NCALD: variants seen among roughly 807,000 people sequenced by gnomAD.
NCALD encodes the protein neurocalcin-delta.
Under a neutral mutation model 18.6 loss-of-function variants are expected in NCALD, and 10 were observed. The observed-to-expected ratio is 0.54, with a 90% CI of 0.33 to 0.91. The LOEUF (loss-of-function observed/expected upper bound fraction) is 0.91. Ranked by LOEUF, NCALD falls within the 40% of genes least tolerant of loss-of-function variation. NCALD has a pLI of 0.03. For synonymous variants in NCALD, 88 were observed against 87.4 expected (o/e 1.01, Z -0.04); for missense variants, 184 against 247.6 (o/e 0.74, Z 1.72).
chr8:102,030,504 CTTA>C (rs1822628305), intron 1 of NCALD, among the ~76,000 whole-genome samples: 1 of 152,206 alleles, frequency 6.6e-6, no homozygotes, highest in African/African-American at 2.4e-5. Context: ...ACAGAACCAA[CTTA>C]TTATTTTGAA....
At chr8:101,990,911 C>A (rs747075864) in intron 2 of NCALD, among the ~76,000 whole-genome samples, 2 of 152,162 alleles carry the variant, frequency 1.3e-5, no homozygotes, top group Non-Finnish European at 2.9e-5. Context: ...ATCCCCTGAG[C>A]ACACAGCAGA....
chr8:101,939,560 A>G (rs1818881893), intron 2 of NCALD, among the ~76,000 whole-genome samples: 1 of 152,210 alleles, frequency 6.6e-6, no homozygotes, highest in Non-Finnish European at 1.5e-5. Context: ...TCTTATCTCC[A>G]TTCTGGTTGA....
At chr8:101,796,230 C>T (rs1016271671) in intron 4 of NCALD, among the ~76,000 whole-genome samples, 1 of 152,092 alleles carries the variant, frequency 6.6e-6, no homozygotes, top group Non-Finnish European at 1.5e-5. Context: ...CCAGAAAAAT[C>T]GACCCTCTTT....
At chr8:101,691,579 TCAG>T in intron 3 of NCALD, 2 of 985,370 alleles carry the variant, frequency 2.0e-6, no homozygotes, top group Non-Finnish European at 2.4e-6. Flanking sequence ...CAGTTTAACA[TCAG>T]CAAGTTAATT....
At chr8:101,788,727 C>T (rs892278854) in intron 1 of NCALD, 2 of 152,120 alleles carry the variant, frequency 1.3e-5, no homozygotes, top group African/African-American at 4.8e-5. Context: ...TAAGAATGTC[C>T]GAAACTATAC....
intron 3 of NCALD, among the ~76,000 whole-genome samples, chr8:101,896,047 G>A (rs912074980): frequency 6.0e-5 from 9 of 151,090 alleles, no homozygotes; most frequent in East Asian, 1.9e-4. Flanking sequence ...AAAAGAGCCC[G>A]CATCGCCAAG....
At chr8:101,729,248 G>C (rs910938147) in intron 1 of NCALD, among the ~76,000 whole-genome samples, 18 of 152,104 alleles carry the variant, frequency 1.2e-4, no homozygotes, top group African/African-American at 2.9e-4. Flanking sequence ...ATATATAACA[G>C]GCAAATTAGG....
At chr8:101,992,004 C>G (rs897886585) in intron 2 of NCALD, among the ~76,000 whole-genome samples, 3 of 152,190 alleles carry the variant, frequency 2.0e-5, no homozygotes, top group African/African-American at 7.2e-5. Flanking sequence ...TCTGGTTGAG[C>G]AGCAGCTAAA....
At chr8:102,060,259 G>T (rs751191312) in intron 1 of NCALD, among the ~76,000 whole-genome samples, 4 of 152,192 alleles carry the variant, frequency 2.6e-5, no homozygotes, top group East Asian at 1.9e-4. Flanking sequence ...GGGATTACAG[G>T]CATGAGCCAC....
At chr8:102,077,194 C>G (rs1563596936) in intron 1 of NCALD, among the ~76,000 whole-genome samples, 1 of 152,158 alleles carries the variant, frequency 6.6e-6, no homozygotes, top group Non-Finnish European at 1.5e-5. Context: ...CTTAGCACTA[C>G]TTGGGTGAAA....
intron 2 of NCALD, among the ~76,000 whole-genome samples, chr8:101,942,401 G>C (rs747204820): frequency 6.6e-6 from 1 of 152,138 alleles, no homozygotes; most frequent in Non-Finnish European, 1.5e-5. Context: ...TGCCTGTGAA[G>C]AGATCACAGT....
chr8:101,721,017 G>A (rs1283089752), intron 1 of NCALD, among the ~76,000 whole-genome samples: 1 of 152,096 alleles, frequency 6.6e-6, no homozygotes, highest in Non-Finnish European at 1.5e-5. Flanking sequence ...CAACCCAAAG[G>A]GGGCATGGGT....
intron 2 of NCALD, among the ~76,000 whole-genome samples, chr8:101,925,052 T>C (rs993828820): frequency 1.3e-5 from 2 of 152,002 alleles, no homozygotes; most frequent in African/African-American, 2.4e-5. Context: ...TCAGAAAGCA[T>C]GTATGACAAA....
intron 2 of NCALD, among the ~76,000 whole-genome samples, chr8:101,955,438 TAA>T (rs1303480208): frequency 1.3e-5 from 2 of 151,980 alleles, no homozygotes; most frequent in Non-Finnish European, 2.9e-5. Flanking sequence ...TCTGAAAAAA[TAA>T]AAGTCACAGA....
intron 3 of NCALD, among the ~76,000 whole-genome samples, chr8:101,907,086 A>G (rs1323453024): frequency 6.6e-6 from 1 of 152,178 alleles, no homozygotes; most frequent in Non-Finnish European, 1.5e-5. Flanking sequence ...TTTGTCCATC[A>G]TGGATGTTTT....
chr8:102,121,440 G>A (rs1825941716), intron 1 of NCALD, among the ~76,000 whole-genome samples: 1 of 152,026 alleles, frequency 6.6e-6, no homozygotes, highest in African/African-American at 2.4e-5. Context: ...ATACTGAATA[G>A]TCCAAAAAGT....
chr8:101,768,070 G>A (rs1043260351), intron 1 of NCALD, among the ~76,000 whole-genome samples: 21 of 152,148 alleles, frequency 1.4e-4, no homozygotes, highest in Admixed American at 3.9e-4. Context: ...AGGAACTTGG[G>A]CAACATTTCA....
chr8:101,911,299 A>C (rs1007096108), intron 3 of NCALD, among the ~76,000 whole-genome samples: 4 of 149,852 alleles, frequency 2.7e-5, no homozygotes, highest in African/African-American at 9.8e-5. Context: ...AGGGGGGAGA[A>C]GGAGAAGGGG....
At chr8:101,761,710 T>C (rs1294360288) in intron 1 of NCALD, among the ~76,000 whole-genome samples, 1 of 152,222 alleles carries the variant, frequency 6.6e-6, no homozygotes, top group African/African-American at 2.4e-5. Context: ...TCTCCCCTTC[T>C]TCCTTTTAGT....
Sources: allele counts gnomAD v4.1 joint callset (sites outside exome capture counted in the v4.1 genomes callset), GRCh38; gene constraint gnomAD v4.1.1; transcripts MANE v1.5; gene names NCBI Gene and HGNC (gene_info 2026-07-23, HGNC 2026-07-21).